PRR16: variants seen among roughly 807,000 people sequenced by gnomAD.
PRR16 encodes protein Largen.
Under a neutral mutation model 18.2 loss-of-function variants are expected in PRR16, and 6 were observed. That is an observed-to-expected ratio of 0.33 (90% confidence interval 0.18 to 0.65). The LOEUF is 0.65. Among genes scored for constraint, PRR16 ranks in the 30% least tolerant of loss-of-function variants. The probability of loss-of-function intolerance (pLI) is 0.74; values close to 1 mark genes in which losing one functional copy is unlikely to be tolerated. For missense variants in PRR16, 412 were observed against 376.6 expected (o/e 1.09, Z -0.78); for synonymous variants, 151 against 147.8 (o/e 1.02, Z -0.16).
chr5:120,493,647 T>A (rs927320366), intron 1 of PRR16, among the ~76,000 whole-genome samples: 6 of 152,096 alleles, frequency 3.9e-5, no homozygotes, highest in Admixed American at 6.6e-5. Context: ...GCCACAAGGA[T>A]CTCTCCTATT....
At chr5:120,781,165 C>T in the PRR16 span, 1 of 151,804 alleles carries the variant, frequency 6.6e-6, no homozygotes, top group East Asian at 1.9e-4. Context: ...TGATGATATT[C>T]TACATGGGCA....
At chr5:120,634,851 A>G (rs1755175962) in intron 1 of PRR16, among the ~76,000 whole-genome samples, 1 of 152,138 alleles carries the variant, frequency 6.6e-6, no homozygotes, top group Non-Finnish European at 1.5e-5. Context: ...GAAAAGATAA[A>G]ATTGGTAGAC....
At chr5:120,661,126 C>G (rs929943691) in intron 1 of PRR16, among the ~76,000 whole-genome samples, 9 of 152,080 alleles carry the variant, frequency 5.9e-5, no homozygotes, top group African/African-American at 2.2e-4. Context: ...ATAGCTTGTC[C>G]TTTCATGTTT....
intron 1 of PRR16, among the ~76,000 whole-genome samples, chr5:120,543,846 C>A (rs1751992178): frequency 6.6e-6 from 1 of 152,134 alleles, no homozygotes. Flanking sequence ...ACTCTGTGAT[C>A]TCTGGTATTT....
chr5:120,656,678 A>G (rs542381374), intron 1 of PRR16, among the ~76,000 whole-genome samples: 1 of 151,888 alleles, frequency 6.6e-6, no homozygotes, highest in Non-Finnish European at 1.5e-5. Context: ...CCACTTCTAT[A>G]ATTTTTGTGT....
the PRR16 span, among the ~76,000 whole-genome samples, chr5:120,792,231 G>T: frequency 6.6e-6 from 1 of 152,160 alleles, no homozygotes; most frequent in African/African-American, 2.4e-5. Context: ...ATGTCTAAAA[G>T]ACTGCAAATA....
the PRR16 span, among the ~76,000 whole-genome samples, chr5:120,709,196 A>G: frequency 1.1e-4 from 16 of 151,194 alleles, no homozygotes; most frequent in Non-Finnish European, 1.8e-4. Flanking sequence ...TTTAGTAGAG[A>G]CGGGGTTTCA....
At chr5:120,543,702 T>C (rs1264566681) in intron 1 of PRR16, among the ~76,000 whole-genome samples, 1 of 152,214 alleles carries the variant, frequency 6.6e-6, no homozygotes, top group Non-Finnish European at 1.5e-5. Context: ...ACATTGGCTT[T>C]GTTATGCCTC....
chr5:120,669,444 G>A (rs545619096), intron 1 of PRR16, among the ~76,000 whole-genome samples: 1 of 151,874 alleles, frequency 6.6e-6, no homozygotes, highest in Non-Finnish European at 1.5e-5. Flanking sequence ...TAGCTCTTAT[G>A]TGAATTATTA....
At chr5:120,528,296 A>G (rs538072527) in intron 1 of PRR16, among the ~76,000 whole-genome samples, 23 of 152,294 alleles carry the variant, frequency 1.5e-4, no homozygotes, top group Admixed American at 4.6e-4. Context: ...GAAGACACAG[A>G]GCAATAGTTG....
At chr5:120,529,663 G>A (rs1028336530) in intron 1 of PRR16, among the ~76,000 whole-genome samples, 1 of 152,228 alleles carries the variant, frequency 6.6e-6, no homozygotes, top group African/African-American at 2.4e-5. Flanking sequence ...GGTGAAATAG[G>A]ACAGGGAAAA....
At chr5:120,785,267 A>G in the PRR16 span, among the ~76,000 whole-genome samples, 1 of 152,180 alleles carries the variant, frequency 6.6e-6, no homozygotes, top group African/African-American at 2.4e-5. Context: ...GATGGAGACC[A>G]TACGTGGGTA....
At chr5:120,748,203 C>T in the PRR16 span, among the ~76,000 whole-genome samples, 1 of 151,914 alleles carries the variant, frequency 6.6e-6, no homozygotes, top group Non-Finnish European at 1.5e-5. Context: ...CTTCTTTGCA[C>T]CTATTTTTAA....
the PRR16 span, among the ~76,000 whole-genome samples, chr5:120,731,762 A>G: frequency 1.3e-5 from 2 of 152,232 alleles, no homozygotes; most frequent in Admixed American, 1.3e-4. Flanking sequence ...ACAGTGCCTT[A>G]TACATTAAAT....
chr5:120,493,031 G>C (rs372716541), intron 1 of PRR16, among the ~76,000 whole-genome samples: 3 of 152,194 alleles, frequency 2.0e-5, no homozygotes, highest in East Asian at 1.9e-4. Context: ...GTGTGCAAGT[G>C]TCTTTTTCAT....
downstream of PRR16, among the ~76,000 whole-genome samples, chr5:120,690,038 T>C (rs1021795095): frequency 6.6e-6 from 1 of 152,170 alleles, no homozygotes; most frequent in Non-Finnish European, 1.5e-5. Context: ...TTGAATAATA[T>C]TGGAAGAAAT....
At chr5:120,719,839 G>C in the PRR16 span, among the ~76,000 whole-genome samples, 1 of 151,918 alleles carries the variant, frequency 6.6e-6, no homozygotes, top group African/African-American at 2.4e-5. Context: ...TCTTACATAT[G>C]AATTTATGTT....
intron 1 of PRR16, among the ~76,000 whole-genome samples, chr5:120,594,603 A>G (rs1427216236): frequency 6.6e-6 from 1 of 152,138 alleles, no homozygotes; most frequent in East Asian, 1.9e-4. Context: ...CTAGAAAAAA[A>G]CTATTTTAAA....
At chr5:120,781,442 A>G in the PRR16 span, 1 of 152,204 alleles carries the variant, frequency 6.6e-6, no homozygotes, top group East Asian at 1.9e-4. Context: ...ATCTAATGGT[A>G]ATAAACTAGA....
Sources: allele counts gnomAD v4.1 joint callset (sites outside exome capture counted in the v4.1 genomes callset), GRCh38; gene constraint gnomAD v4.1.1; transcripts MANE v1.5; gene names NCBI Gene and HGNC (gene_info 2026-07-23, HGNC 2026-07-21).